The following UHRF1 variants were observed in gnomAD, a reference collection of about 807,000 sequenced individuals.
The protein encoded by UHRF1 is E3 ubiquitin-protein ligase UHRF1.
In UHRF1, 9 loss-of-function variants were observed where a neutral mutation model predicts 96.5. The ratio of observed to expected loss-of-function variants is 0.09; its 90% CI spans 0.06 to 0.16. The LOEUF is 0.16. Ranked by LOEUF, UHRF1 falls within the 10% of genes least tolerant of loss-of-function variation. The pLI, the probability that UHRF1 is intolerant of heterozygous loss-of-function variation, is 1.00. For synonymous variants in UHRF1, 455 were observed against 469.9 expected (o/e 0.97, Z 0.41); for missense variants, 626 against 1,131.1 (o/e 0.55, Z 6.40).
chr19:4,925,209 G>T (rs2032829902), intron 2 of UHRF1, among the ~76,000 whole-genome samples: 1 of 152,164 alleles, frequency 6.6e-6, no homozygotes, highest in African/African-American at 2.4e-5. Context: ...ATTCATAGTT[G>T]TGTAATCATC....
chr19:4,959,486 G>C (rs2033937695), intron 16 of UHRF1, among the ~76,000 whole-genome samples: 1 of 152,158 alleles, frequency 6.6e-6, no homozygotes, highest in Admixed American at 6.5e-5. Flanking sequence ...GTGCACCTGT[G>C]TACGGCGTGT....
chr19:4,918,220 A>T (rs1292461254), intron 2 of UHRF1, among the ~76,000 whole-genome samples: 2 of 152,012 alleles, frequency 1.3e-5, no homozygotes, highest in Non-Finnish European at 2.9e-5. Flanking sequence ...CCCAGGTTCA[A>T]GTGATTCTCC....
intron 9 of UHRF1, 52 bp downstream of exon 9, chr19:4,944,502 T>C (rs762007219): frequency 1.9e-6 from 3 of 1,599,280 alleles, no homozygotes; most frequent in Non-Finnish European, 2.6e-6. Context: ...ATCCTGCTTT[T>C]CTGGGGGCAG....
At position 4,930,897 on chromosome 19, in the gene UHRF1, G is replaced by A. The variant is rs1187873017; in HGVS notation, c.569+21G>A. ...GACGAGTGAGTCATGGCAGGTGGGCGGGCCTGGGTATTCAGGCTCTGTGAC... is the reference window on the plus strand; with the variant it reads ...GACGAGTGAGTCATGGCAGGTGGGCAGGCCTGGGTATTCAGGCTCTGTGAC... On this transcript the variant is annotated intron_variant, in intron 4 of 16. Transcript: ENST00000650932. The surrounding 1 kb of genome is among the most constrained non-coding windows in gnomAD (Gnocchi z 4.4). The A allele has an allele frequency of 3.1e-6, 5 of 1,612,936 alleles. No homozygotes were observed. The highest frequency in any genetic ancestry group is 1.7e-5 in the Admixed American group (1 of 59,982).
In UHRF1 at chr19:4,945,944, G is replaced by A. The variant is rs1008341123; in HGVS notation, c.1389G>A (p.Ala463=). ...SNDGAYSLVL[A]GGYEDDVDHG... is the part of the protein sequence containing the mutation. The stretch of plus-strand genomic sequence containing the variant: ...ACGGAGCGTACTCCCTAGTCCTGGC[G>A]GGGGGCTATGAGGATGATGTGGTGA... Residue 463 remains alanine, a synonymous_variant, in exon 10 of 17, where the codon GCG becomes GCA. Transcript: ENST00000650932. The A allele has an allele frequency of 3.1e-6, 5 of 1,607,548 alleles. No homozygotes were observed. The Admixed American group carries it at 5.0e-5, about 16-fold the overall frequency.
chr19:4,924,441 A>G (rs262575), intron 2 of UHRF1, among the ~76,000 whole-genome samples: 81,930 of 151,848 alleles, frequency 0.54, 22,871 homozygotes, highest in African/African-American at 0.6. Flanking sequence ...GAGCCACCGC[A>G]CCCGGCCAAT....
chr19:4,911,103 G>GATGCA, intron 2 of UHRF1, 65 bp downstream of exon 2: 1 of 1,405,808 alleles, frequency 7.1e-7, no homozygotes, highest in Non-Finnish European at 9.4e-7. Context: ...GCAGCCACCA[G>GATGCA]CCGATACTTT....
intron 7 of UHRF1, among the ~76,000 whole-genome samples, chr19:4,943,249 A>T (rs1343620899): frequency 6.6e-6 from 1 of 151,910 alleles, no homozygotes; most frequent in Non-Finnish European, 1.5e-5. Flanking sequence ...AAAAACAAAA[A>T]AAAAGGGGGG....
rs1021181857 is a variant in UHRF1, at chr19:4,930,930, C to T, written c.569+54C>T. On this transcript the variant is annotated intron_variant, in intron 4 of 16. Coordinates refer to ENST00000650932, the MANE Select transcript of UHRF1 (RefSeq NM_001048201.3). The surrounding 1 kb of genome is among the most constrained non-coding windows in gnomAD (Gnocchi z 4.4). ...GTATTCAGGCTCTGTGACGCGCATC[C>T]TTGGCTGCGGGTGTTCAGGCCAGAG... The T allele has an allele frequency of 3.1e-6, 5 of 1,602,662 alleles. No homozygotes were observed. In the Admixed American group the frequency reaches 8.4e-5, roughly 27 times the overall value.
In UHRF1 at chr19:4,943,575, T is replaced by TTCCCACA. The variant is rs375389776; in HGVS notation, c.1074-548_1074-542dup. 6.6e-3 allele frequency among the ~76,000 whole-genome samples: 1,008 copies of TTCCCACA among 151,788 alleles called. 10 individuals are homozygous for TTCCCACA. The highest frequency in any genetic ancestry group is 0.023 in the African/African-American group (964 of 41,376). On this transcript the variant is annotated intron_variant, in intron 7 of 16. Transcript: ENST00000650932. ...GCACTCATGGAATCTGCACGTGTAT[T>TTCCCACA]TCCCACATCCCACATTGCGTTCACT...
chr19:4,945,812 G>A, intron 9 of UHRF1, 49 bp from the exon 10 acceptor site: 1 of 1,509,006 alleles, frequency 6.6e-7, no homozygotes, highest in South Asian at 1.2e-5. Flanking sequence ...GAGCTTCTCT[G>A]CAGCAGTCAT....
chr19:4,947,556 A>AGTG (rs35707823), intron 11 of UHRF1, among the ~76,000 whole-genome samples: 1 of 119,606 alleles, frequency 8.4e-6, no homozygotes, highest in Non-Finnish European at 1.6e-5. Context: ...GCTAGAGTGC[A>AGTG]GTGGTGCACT....
At chr19:4,959,654 G>C (rs1296303438) in intron 16 of UHRF1, among the ~76,000 whole-genome samples, 1 of 152,202 alleles carries the variant, frequency 6.6e-6, no homozygotes. Context: ...GAATCCACCA[G>C]ACTTGGTTCC....
intron 16 of UHRF1, among the ~76,000 whole-genome samples, chr19:4,957,899 C>T (rs936227241): frequency 6.6e-6 from 1 of 152,204 alleles, no homozygotes; most frequent in African/African-American, 2.4e-5. Flanking sequence ...TGGCCAGAGC[C>T]GGCAGTCCCG....
At chr19:4,917,833 T>C (rs1002333292) in intron 2 of UHRF1, among the ~76,000 whole-genome samples, 2 of 151,850 alleles carry the variant, frequency 1.3e-5, no homozygotes, top group Non-Finnish European at 2.9e-5. Flanking sequence ...TTTAAATTTT[T>C]ATTAATTGAA....
In UHRF1 at chr19:4,954,544, A is replaced by G; in HGVS notation, c.1957+56A>G. 3.2e-6 allele frequency: 5 copies of G among 1,584,014 alleles called. No individual in the cohort carries two copies. The highest frequency in any genetic ancestry group is 3.5e-5 in the Admixed American group (2 of 57,632). ...CTTGTGTGTGGGGGAGCAGGTGGGC[A>G]TCTCGCGGGTGTGGGGTTGAGGTCG... On this transcript the variant is annotated intron_variant, in intron 14 of 16. Transcript: ENST00000650932. This position sits in a 1 kb window ranked among gnomAD's most constrained non-coding sequence, Gnocchi z 5.9.
intron 16 of UHRF1, among the ~76,000 whole-genome samples, chr19:4,959,137 A>G (rs1368404209): frequency 4.0e-5 from 6 of 151,018 alleles, no homozygotes; most frequent in South Asian, 2.1e-4. Flanking sequence ...ATACACCACC[A>G]TGGCCAACAT....
chr19:4,950,572 C>A (rs750715936), intron 11 of UHRF1, 39 bp from the exon 12 acceptor site: 3 of 1,591,090 alleles, frequency 1.9e-6, no homozygotes, highest in Admixed American at 3.6e-5. Flanking sequence ...GGGGGTACAT[C>A]CTCACCTATA....
intron 2 of UHRF1, among the ~76,000 whole-genome samples, chr19:4,923,186 C>A (rs1383646593): frequency 6.6e-6 from 1 of 152,242 alleles, no homozygotes; most frequent in East Asian, 1.9e-4. Flanking sequence ...GCCGCCTTGG[C>A]TTCCCCTCCT....
Sources: gnomAD v4.1 joint callset for allele counts (sites outside exome capture counted in the v4.1 genomes callset) on GRCh38, gnomAD v4.1.1 for gene constraint, Gnocchi (gnomAD v3.1) non-coding constraint, MANE v1.5 for transcripts, NCBI Gene and HGNC (gene_info 2026-07-23, HGNC 2026-07-21) for gene names.